Variants in MAD1L1 observed in about 807,000 individuals in gnomAD.
MAD1L1 encodes the protein mitotic arrest deficient 1 like 1.
MAD1L1 carries 95 observed loss-of-function variants against 96.9 expected under a neutral mutation model. The ratio of observed to expected loss-of-function variants is 0.98; its 90% CI spans 0.83 to 1.16. The LOEUF (loss-of-function observed/expected upper bound fraction) is 1.16. Ranked by LOEUF, MAD1L1 falls within the 50% of genes most tolerant of loss-of-function variation. MAD1L1 has a pLI of 0.00. For missense variants in MAD1L1, 1,007 were observed against 954.4 expected, an observed-to-expected ratio of 1.06 and a Z score of -0.73; for synonymous variants, 473 against 396.6, an observed-to-expected ratio of 1.19 and a Z score of -2.29.
In MAD1L1 at chr7:2,087,101, A is replaced by C. The variant is rs956379627; in HGVS notation, c.1074-17763T>G. 3.0e-4 allele frequency among the ~76,000 whole-genome samples: 45 copies of C among 152,224 alleles called. 1 individual carries two copies. On this transcript the variant is annotated intron_variant, in intron 11 of 18. Coordinates refer to ENST00000265854, the MANE Select transcript of MAD1L1 (RefSeq NM_001013836.2). ...ACGTACCCACATGGCTGCTGGCGGC[A>C]GGGGAAGAGCGCTGTGACCAAGGGG...
At chr7:2,086,164 A>G (rs1226636120) in intron 11 of MAD1L1, among the ~76,000 whole-genome samples, 2 of 152,162 alleles carry the variant, frequency 1.3e-5, no homozygotes, top group South Asian at 2.1e-4. Context: ...GCTCCTAAGG[A>G]TGAGCCCCTC....
chr7:2,112,457 A>G (rs1787431373), intron 11 of MAD1L1, among the ~76,000 whole-genome samples: 1 of 152,268 alleles, frequency 6.6e-6, no homozygotes, highest in Non-Finnish European at 1.5e-5. Flanking sequence ...TGGGAACGGT[A>G]GGCCAAGGAC....
rs934091117 is a variant in MAD1L1 at position 1,968,099 on chromosome 7, G to C, written c.1506-10380C>G. Among the ~76,000 whole-genome samples, 1 of 152,256 alleles carries C rather than the reference G, an allele frequency of 6.6e-6. No homozygotes were observed. The highest frequency in any genetic ancestry group is 2.4e-5 in the African/African-American group (1 of 41,476). On this transcript the variant is annotated intron_variant, in intron 15 of 18. Coordinates refer to ENST00000265854, the MANE Select transcript of MAD1L1 (RefSeq NM_001013836.2). The surrounding 1 kb of genome is among the most constrained non-coding windows in gnomAD (Gnocchi z 5.6). ...TACATGTAGAACTCATCCCTCCAGA[G>C]GGGGAGCGTCGCCTGTGCCCTGAGG...
At position 2,141,878 on chromosome 7, in the gene MAD1L1, A is replaced by G. The variant is rs149881241; in HGVS notation, c.1073+7274T>C. On this transcript the variant is annotated intron_variant, in intron 11 of 18. Transcript: ENST00000265854. Reference sequence around the variant, plus strand: ...TGCCGCCAAGTCCTCTTTTCCTACTAAAGTCCCAGTGGAGAAGAGAGGGGG... The same window carrying G: ...TGCCGCCAAGTCCTCTTTTCCTACTGAAGTCCCAGTGGAGAAGAGAGGGGG... 1.6e-3 allele frequency among the ~76,000 whole-genome samples: 247 copies of G among 152,292 alleles called. 5 individuals are homozygous for G. The East Asian group carries it at 0.042, about 26-fold the overall frequency.
chr7:1,958,596 A>T (rs1261944221), intron 15 of MAD1L1, among the ~76,000 whole-genome samples: 1 of 152,210 alleles, frequency 6.6e-6, no homozygotes, highest in African/African-American at 2.4e-5. Context: ...GATCAAGAAG[A>T]TTGATACAAA....
At chr7:1,857,998 G>A (rs139874309) in intron 18 of MAD1L1, among the ~76,000 whole-genome samples, 14 of 152,238 alleles carry the variant, frequency 9.2e-5, no homozygotes, top group Non-Finnish European at 1.8e-4. Context: ...GCTGTCCACA[G>A]AGCCCGAACT....
At chr7:2,056,153 A>C (rs1784380576) in intron 12 of MAD1L1, among the ~76,000 whole-genome samples, 1 of 152,244 alleles carries the variant, frequency 6.6e-6, no homozygotes. Flanking sequence ...ACTGTCTGAC[A>C]CAAACCCCTG....
chr7:1,912,425 C>T (rs970924899), intron 17 of MAD1L1, among the ~76,000 whole-genome samples: 1 of 152,212 alleles, frequency 6.6e-6, no homozygotes, highest in African/African-American at 2.4e-5. Context: ...GTGTGGGCAC[C>T]AGGAGAGATA....
intron 12 of MAD1L1, among the ~76,000 whole-genome samples, chr7:2,023,624 AAAG>A (rs1177150778): frequency 1.7e-4 from 26 of 152,230 alleles, no homozygotes; most frequent in African/African-American, 5.5e-4. Flanking sequence ...GAAACTAAAA[AAAG>A]AAGAACAATG....
chr7:2,084,261 T>A (rs1423560221), intron 11 of MAD1L1, among the ~76,000 whole-genome samples: 1 of 152,050 alleles, frequency 6.6e-6, no homozygotes, highest in African/African-American at 2.4e-5. Flanking sequence ...CTTCATTTCC[T>A]CAAAGTCCAG....
At chr7:1,995,839 C>T (rs1172642925) in intron 14 of MAD1L1, among the ~76,000 whole-genome samples, 7 of 152,232 alleles carry the variant, frequency 4.6e-5, no homozygotes, top group Admixed American at 4.6e-4. Flanking sequence ...GCCCCTCCAG[C>T]ATGCCAAGCA....
chr7:2,207,909 C>G (rs1183176502), intron 10 of MAD1L1, among the ~76,000 whole-genome samples: 1 of 152,260 alleles, frequency 6.6e-6, no homozygotes, highest in Non-Finnish European at 1.5e-5. Context: ...CCATTGGAAG[C>G]TGATGGAACT....
In MAD1L1 at chr7:1,889,568, C is replaced by G. The variant is rs371941378; in HGVS notation, c.1998+8632G>C. ...AATGCTCTCCCCAAGTGGAGCTGCC[C>G]CTGCACCATCTCCTATGTTCCCTGC... On this transcript the variant is annotated intron_variant, in intron 18 of 18. Transcript: ENST00000265854. Among the ~76,000 whole-genome samples, 1,206 of 134,664 alleles carry G rather than the reference C, an allele frequency of 9.0e-3. 15 individuals are homozygous for G. The highest frequency in any genetic ancestry group is 0.028 in the African/African-American group (1,167 of 40,968). 88.3% of individuals were successfully genotyped at this position (134,664 alleles called of 152,430 possible). A position where few individuals can be genotyped will look rare whatever the true frequency, so the allele number is the denominator to read the frequency against.
intron 11 of MAD1L1, among the ~76,000 whole-genome samples, chr7:2,118,715 C>T (rs977208561): frequency 3.3e-5 from 5 of 152,288 alleles, no homozygotes; most frequent in South Asian, 2.1e-4. Flanking sequence ...AGGTTCATGC[C>T]GCCAAGGAGC....
chr7:2,007,597 C>G (rs933624226), intron 13 of MAD1L1, among the ~76,000 whole-genome samples: 3 of 152,242 alleles, frequency 2.0e-5, no homozygotes, highest in Non-Finnish European at 4.4e-5. Flanking sequence ...TCACTTGAAC[C>G]CGGCAAGCGG....
chr7:1,907,311 G>A (rs1787721299), intron 17 of MAD1L1, among the ~76,000 whole-genome samples: 1 of 152,262 alleles, frequency 6.6e-6, no homozygotes, highest in Admixed American at 6.5e-5. Flanking sequence ...CCAAGCCCCA[G>A]ACTCTGCAGC....
At chr7:1,917,256 G>A (rs1196272888) in intron 17 of MAD1L1, among the ~76,000 whole-genome samples, 3 of 152,196 alleles carry the variant, frequency 2.0e-5, no homozygotes, top group Non-Finnish European at 4.4e-5. Flanking sequence ...GCCAGCACAT[G>A]GGCCTCCCGC....
chr7:2,110,593 C>G (rs1159032874), intron 11 of MAD1L1, among the ~76,000 whole-genome samples: 2 of 152,194 alleles, frequency 1.3e-5, no homozygotes, highest in African/African-American at 4.8e-5. Context: ...AGATGAAGGC[C>G]TCCTTCCCAT....
chr7:2,219,069 A>G (rs751743941), intron 6 of MAD1L1, among the ~76,000 whole-genome samples: 1 of 152,106 alleles, frequency 6.6e-6, no homozygotes, highest in Non-Finnish European at 1.5e-5. Context: ...CAAAAAATAA[A>G]GTAAAATCTG....
Sources: gnomAD v4.1 joint callset for allele counts (sites outside exome capture counted in the v4.1 genomes callset) on GRCh38, gnomAD v4.1.1 for gene constraint, Gnocchi (gnomAD v3.1) non-coding constraint, MANE v1.5 for transcripts, NCBI Gene and HGNC (gene_info 2026-07-23, HGNC 2026-07-21) for gene names.